Variants in STAG2 observed in about 807,000 individuals in gnomAD.
The protein encoded by STAG2 is cohesin subunit SA-2.
A neutral mutation model predicts 108.1 loss-of-function variants in STAG2; 14 were observed. The ratio of observed to expected loss-of-function variants is 0.13; its 90% CI spans 0.09 to 0.20. STAG2 has a LOEUF of 0.20. Among genes scored for constraint, STAG2 ranks in the 10% least tolerant of loss-of-function variants. The pLI is 1.00. For synonymous variants in STAG2, 307 were observed against 302.7 expected, an observed-to-expected ratio of 1.01 and a Z score of -0.15; for missense variants, 440 against 940.9, an observed-to-expected ratio of 0.47 and a Z score of 6.96.
intron 1 of STAG2, among the ~76,000 whole-genome samples, chrX:123,977,000 C>A (rs1033007076): frequency 8.9e-6 from 1 of 111,841 alleles, no homozygotes; most frequent in Non-Finnish European, 1.9e-5. Flanking sequence ...GGTCAGGAAC[C>A]TTTTGGGGGA....
chrX:123,999,183 AAC>A (rs1170002083), intron 1 of STAG2, among the ~76,000 whole-genome samples: 1 of 111,857 alleles, frequency 8.9e-6, no homozygotes, highest in Non-Finnish European at 1.9e-5. Flanking sequence ...TTAAAAAAGA[AAC>A]ACCCCTTCAG....
At chrX:123,986,195 A>C (rs1602692774) in intron 1 of STAG2, among the ~76,000 whole-genome samples, 1 of 107,515 alleles carries the variant, frequency 9.3e-6, no homozygotes, top group East Asian at 2.8e-4. Flanking sequence ...TATATAATAT[A>C]TGTATATATG....
Position 124,022,690 on chromosome X carries a change from G to A in STAG2, c.44+19G>A. ...TACTACAGTAAGTAAATTATATTCT[G>A]ATAATTTTTAAATACTTGTTTATTC... On this transcript the variant is annotated intron_variant, in intron 3 of 34. Coordinates refer to ENST00000371145, the MANE Select transcript of STAG2 (RefSeq NM_001042750.2). The A allele has an allele frequency of 9.4e-7, 1 of 1,061,620 alleles. No homozygotes were observed. Among genetic ancestry groups the A allele is most frequent in the Non-Finnish European group, 1.3e-6 (1 of 785,048 alleles). The allele number at this position is 1,061,620 out of a possible 1,213,427, so 87.5% of individuals were successfully genotyped here. A position where few individuals can be genotyped will look rare whatever the true frequency, so the allele number is the denominator to read the frequency against.
intron 5 of STAG2, among the ~76,000 whole-genome samples, chrX:124,035,616 T>C (rs771065925): frequency 1.8e-5 from 2 of 112,325 alleles, no homozygotes; most frequent in South Asian, 7.4e-4. Context: ...GCTTGGACCA[T>C]TTGAGTGCCT....
chrX:123,966,333 G>A (rs764378137), intron 1 of STAG2, among the ~76,000 whole-genome samples: 4 of 108,635 alleles, frequency 3.7e-5, no homozygotes, highest in African/African-American at 1.0e-4. Flanking sequence ...GTGGTGGTGC[G>A]CGTCTGTAGT....
rs1443315758 is a variant in STAG2, at chrX:123,986,185, TATATA to T, written c.-163+24335_-163+24339del. Among the ~76,000 whole-genome samples the T allele has an allele frequency of 7.4e-5, 8 of 107,501 alleles. No individual in the cohort carries two copies. In the South Asian group the frequency reaches 1.5e-3, roughly 20 times the overall value. The allele number at this position is 107,501 out of a possible 115,157, so 93.4% of individuals were successfully genotyped here. ...TGATACATATGTGATACATATATGA[TATATA>T]ATATATGTATATATGTGTGTATATA... On this transcript the variant is annotated intron_variant, in intron 1 of 34. Coordinates refer to ENST00000371145, the MANE Select transcript of STAG2 (RefSeq NM_001042750.2).
chrX:124,032,350 C>G (rs1327563175), intron 5 of STAG2, among the ~76,000 whole-genome samples: 4 of 111,687 alleles, frequency 3.6e-5, no homozygotes, highest in African/African-American at 3.3e-5. Context: ...ACTTTTATGA[C>G]AATAGAAGCA....
At chrX:124,001,168 G>A (rs1298829038) in intron 1 of STAG2, among the ~76,000 whole-genome samples, 1 of 111,026 alleles carries the variant, frequency 9.0e-6, no homozygotes, top group Admixed American at 9.6e-5. Context: ...TTGGCTCACT[G>A]CAACCTCGGC....
intron 1 of STAG2, among the ~76,000 whole-genome samples, chrX:123,997,547 G>C (rs1401980203): frequency 8.9e-6 from 1 of 112,108 alleles, no homozygotes; most frequent in Non-Finnish European, 1.9e-5. Context: ...ACTTCATCCC[G>C]TATTTGTAGA....
intron 20 of STAG2, 106 bp from the exon 21 acceptor site, chrX:124,065,770 T>C (rs764445358): frequency 3.3e-4 from 172 of 518,727 alleles, no homozygotes; most frequent in Non-Finnish European, 4.6e-4. Context: ...AAAGTTCATT[T>C]GTGGGTTTTG....
rs180886107 is a variant in STAG2 at position 124,003,872 on chromosome X, A to T, written c.-162-17495A>T. The T allele has an allele frequency of 4.7e-4, 53 of 111,664 alleles. No homozygotes were observed. In the East Asian group the frequency reaches 0.012, roughly 26 times the overall value. The allele number at this position is 111,664 out of a possible 1,213,427, so 9.2% of individuals were successfully genotyped here. On this transcript the variant is annotated intron_variant, in intron 1 of 34. Transcript: ENST00000371145. ...TTTTTGAGGTTTATTATAGATTTTT[A>T]TTGGTTTAATATATTTTAATACACT...
intron 6 of STAG2, among the ~76,000 whole-genome samples, chrX:124,038,433 G>A (rs1330506241): frequency 9.2e-6 from 1 of 109,210 alleles, no homozygotes; most frequent in Non-Finnish European, 1.9e-5. Flanking sequence ...TAATGAAAGT[G>A]GCATCAACAA....
intron 25 of STAG2, 30 bp downstream of exon 25, chrX:124,071,353 C>G (rs1347037911): frequency 9.3e-7 from 1 of 1,072,585 alleles, no homozygotes; most frequent in South Asian, 2.5e-5. Context: ...TTTATTAAAT[C>G]TGTGTCCACC....
intron 25 of STAG2, among the ~76,000 whole-genome samples, chrX:124,071,628 T>C (rs35047916): frequency 0.034 from 3,818 of 111,750 alleles, 67 homozygotes; most frequent in Non-Finnish European, 0.048. Flanking sequence ...CCTGGACATA[T>C]AGCAGGTACT....
intron 24 of STAG2, among the ~76,000 whole-genome samples, chrX:124,070,229 G>T (rs1184077525): frequency 9.0e-6 from 1 of 111,523 alleles, no homozygotes; most frequent in African/African-American, 3.3e-5. Flanking sequence ...AGTTTTTGTA[G>T]ACTGAAATAT....
At chrX:123,989,662 T>G (rs919222679) in intron 1 of STAG2, among the ~76,000 whole-genome samples, 1 of 106,345 alleles carries the variant, frequency 9.4e-6, no homozygotes, top group African/African-American at 3.4e-5. Flanking sequence ...TGGAGTGCAG[T>G]GGCTCCATCT....
At chrX:124,082,114 C>A (rs184560805) in intron 28 of STAG2, among the ~76,000 whole-genome samples, 4 of 111,966 alleles carry the variant, frequency 3.6e-5, no homozygotes, top group East Asian at 5.6e-4. Context: ...CATTACACAT[C>A]TTTTTTATCA....
At position 124,090,972 on chromosome X, in the gene STAG2, A is replaced by G; in HGVS notation, c.3578+8A>G. On this transcript the variant is annotated splice_region_variant and intron_variant, in intron 32 of 34. Transcript: ENST00000371145. ...TAATCTTCAGCATGCCATGTAAGTG[A>G]GAGTGCCTTATTGTCTGAGTCTAGG... The G allele has an allele frequency of 8.9e-7, 1 of 1,128,885 alleles. No homozygotes were observed. Among genetic ancestry groups the G allele is most frequent in the Non-Finnish European group, 1.2e-6 (1 of 822,915 alleles). 93.0% of individuals were successfully genotyped at this position (1,128,885 alleles called of 1,213,427 possible).
chrX:124,002,198 CAG>C (rs1450478965), intron 1 of STAG2, among the ~76,000 whole-genome samples: 1 of 112,155 alleles, frequency 8.9e-6, no homozygotes, highest in Non-Finnish European at 1.9e-5. Flanking sequence ...GTCTGGGCGA[CAG>C]AGGGAGACCC....
Sources: gnomAD v4.1 joint callset for allele counts (sites outside exome capture counted in the v4.1 genomes callset) on GRCh38, gnomAD v4.1.1 for gene constraint, MANE v1.5 for transcripts, NCBI Gene and HGNC (gene_info 2026-07-23, HGNC 2026-07-21) for gene names.